The following SLC24A2 variants were observed in gnomAD, a reference collection of about 807,000 sequenced individuals.
SLC24A2 encodes solute carrier family 24 member 2.
A neutral mutation model predicts 62.0 loss-of-function variants in SLC24A2; 36 were observed. The observed-to-expected ratio is 0.58, with a 90% CI of 0.44 to 0.77. SLC24A2 has a LOEUF of 0.77. Among genes scored for constraint, SLC24A2 ranks in the 30% least tolerant of loss-of-function variants. SLC24A2 has a pLI of 0.00. For missense variants in SLC24A2, 846 were observed against 817.9 expected (o/e 1.03, Z -0.42); for synonymous variants, 358 against 294.0 (o/e 1.22, Z -2.23).
the SLC24A2 span, among the ~76,000 whole-genome samples, chr9:20,305,953 G>A: frequency 1.3e-5 from 2 of 152,136 alleles, no homozygotes; most frequent in Non-Finnish European, 2.9e-5. Context: ...CCTTCACGTG[G>A]TCTTTTCTCT....
chr9:20,276,905 T>C, the SLC24A2 span, among the ~76,000 whole-genome samples: 9 of 152,264 alleles, frequency 5.9e-5, no homozygotes, highest in East Asian at 1.7e-3. Context: ...GGGCACCAAA[T>C]CCCAAGACTG....
At chr9:20,226,735 C>T in the SLC24A2 span, among the ~76,000 whole-genome samples, 1 of 152,016 alleles carries the variant, frequency 6.6e-6, no homozygotes, top group Non-Finnish European at 1.5e-5. Flanking sequence ...TTCCATCTGT[C>T]TTTATTTTAA....
At chr9:20,110,589 G>C in the SLC24A2 span, among the ~76,000 whole-genome samples, 10 of 151,914 alleles carry the variant, frequency 6.6e-5, no homozygotes, top group African/African-American at 2.4e-4. Flanking sequence ...AGGAAGGCAA[G>C]TCTTCTATGC....
At chr9:19,665,241 T>C (rs7021444) in intron 2 of SLC24A2, among the ~76,000 whole-genome samples, 124,088 of 152,080 alleles carry the variant, frequency 0.82, 50,714 homozygotes, top group East Asian at 0.9. Context: ...AGAAGTGTTG[T>C]TATTGTCCAA....
At chr9:19,744,507 A>T (rs1445551470) in intron 2 of SLC24A2, among the ~76,000 whole-genome samples, 2 of 152,094 alleles carry the variant, frequency 1.3e-5, no homozygotes, top group Non-Finnish European at 2.9e-5. Context: ...GAAGGGAAGG[A>T]CCAGACAGGG....
At chr9:19,729,937 T>G (rs1587232325) in intron 2 of SLC24A2, among the ~76,000 whole-genome samples, 1 of 152,282 alleles carries the variant, frequency 6.6e-6, no homozygotes, top group Admixed American at 6.5e-5. Flanking sequence ...CCTGATCTGA[T>G]TACTATACAT....
intron 2 of SLC24A2, among the ~76,000 whole-genome samples, chr9:19,647,141 GCCTTCTTTGAT>G (rs1818666333): frequency 1.3e-5 from 2 of 149,006 alleles, no homozygotes; most frequent in African/African-American, 2.5e-5. Context: ...AGGGTTCATA[GCCTTCTTTGAT>G]TATCAATGTA....
the SLC24A2 span, among the ~76,000 whole-genome samples, chr9:20,052,583 C>A: frequency 6.6e-6 from 1 of 152,088 alleles, no homozygotes; most frequent in African/African-American, 2.4e-5. Context: ...TCAGATAGAG[C>A]CTCATTCTCT....
chr9:19,829,006 G>A, the SLC24A2 span, among the ~76,000 whole-genome samples: 3 of 152,102 alleles, frequency 2.0e-5, no homozygotes, highest in Non-Finnish European at 2.9e-5. Context: ...TTCCCAGACC[G>A]ACTGGCTTCC....
chr9:20,148,913 T>C, the SLC24A2 span, among the ~76,000 whole-genome samples: 2 of 152,062 alleles, frequency 1.3e-5, no homozygotes, highest in African/African-American at 4.8e-5. Context: ...ATTCAAAACA[T>C]TTTTTAAAAA....
intron 2 of SLC24A2, among the ~76,000 whole-genome samples, chr9:19,720,200 C>T (rs761672417): frequency 9.3e-4 from 142 of 152,252 alleles, no homozygotes; most frequent in Non-Finnish European, 1.5e-3. Context: ...TGCCTTTTTT[C>T]TATTAAAAAT....
chr9:20,202,054 T>G, the SLC24A2 span, among the ~76,000 whole-genome samples: 9 of 116,658 alleles, frequency 7.7e-5, no homozygotes, highest in Admixed American at 4.8e-4. Context: ...TTTCATGGTG[T>G]GTGTGTGTGT....
chr9:19,780,324 G>A (rs1822975478), intron 2 of SLC24A2, among the ~76,000 whole-genome samples: 1 of 150,290 alleles, frequency 6.7e-6, no homozygotes, highest in South Asian at 2.1e-4. Context: ...CTGCAGTGCA[G>A]TGGCACGATC....
chr9:19,856,459 G>C, the SLC24A2 span, among the ~76,000 whole-genome samples: 4 of 152,040 alleles, frequency 2.6e-5, no homozygotes, highest in African/African-American at 9.7e-5. Flanking sequence ...CTGACCTTTG[G>C]ATGGGGTTTT....
intron 2 of SLC24A2, among the ~76,000 whole-genome samples, chr9:19,684,164 T>TC (rs1489771075): frequency 6.6e-6 from 1 of 152,116 alleles, no homozygotes; most frequent in East Asian, 1.9e-4. Context: ...CTCCAACTTT[T>TC]TTTTACTGTT....
the SLC24A2 span, among the ~76,000 whole-genome samples, chr9:20,051,155 G>T: frequency 6.6e-6 from 1 of 151,796 alleles, no homozygotes; most frequent in Non-Finnish European, 1.5e-5. Flanking sequence ...TGAAAACAGG[G>T]TATCATTTAA....
the SLC24A2 span, among the ~76,000 whole-genome samples, chr9:20,163,517 G>T: frequency 6.6e-6 from 1 of 152,164 alleles, no homozygotes; most frequent in African/African-American, 2.4e-5. Context: ...CCATGCTCAT[G>T]GGTAGGAAGA....
At chr9:20,233,893 C>T in the SLC24A2 span, among the ~76,000 whole-genome samples, 1 of 152,178 alleles carries the variant, frequency 6.6e-6, no homozygotes, top group Admixed American at 6.5e-5. Context: ...TTTAATGCTT[C>T]CTTCAGGAGC....
chr9:19,521,651 C>T (rs1833204994), intron 9 of SLC24A2, among the ~76,000 whole-genome samples: 1 of 152,166 alleles, frequency 6.6e-6, no homozygotes, highest in Admixed American at 6.5e-5. Context: ...GACCTGGGTC[C>T]AAGATCTGGC....
Sources: gnomAD v4.1 joint callset for allele counts (sites outside exome capture counted in the v4.1 genomes callset) on GRCh38, gnomAD v4.1.1 for gene constraint, MANE v1.5 for transcripts, NCBI Gene and HGNC (gene_info 2026-07-23, HGNC 2026-07-21) for gene names.